Variants in PCDH15 observed in about 807,000 individuals in gnomAD.
PCDH15 encodes the protein protocadherin related 15.
PCDH15 carries 129 observed loss-of-function variants against 178.5 expected under a neutral mutation model. That is an observed-to-expected ratio of 0.72 (90% confidence interval 0.63 to 0.84). The LOEUF is 0.84. PCDH15 is among the 40% of genes least tolerant of loss of function. The pLI is 0.00. For missense variants in PCDH15, 2,230 were observed against 2,099.9 expected (o/e 1.06, Z -1.21); for synonymous variants, 800 against 732.0 (o/e 1.09, Z -1.50).
At chr10:54,376,356 TA>T (rs1480802248) in intron 4 of PCDH15, among the ~76,000 whole-genome samples, 5 of 151,000 alleles carry the variant, frequency 3.3e-5, no homozygotes, top group Admixed American at 6.6e-5. Context: ...TAATAATGTA[TA>T]TTTTATCTAT....
chr10:55,063,190 G>T (rs1056220416), intron 2 of PCDH15, among the ~76,000 whole-genome samples: 2 of 152,018 alleles, frequency 1.3e-5, no homozygotes, highest in Admixed American at 6.6e-5. Flanking sequence ...AACTGAAAAT[G>T]TACATAAGTA....
chr10:54,267,698 T>C (rs1038012260), intron 8 of PCDH15, among the ~76,000 whole-genome samples: 1 of 151,768 alleles, frequency 6.6e-6, no homozygotes, highest in Non-Finnish European at 1.5e-5. Context: ...AAAAATGAAA[T>C]ACTTAGGAAT....
intron 2 of PCDH15, among the ~76,000 whole-genome samples, chr10:54,648,215 C>T (rs2094175354): frequency 6.6e-6 from 1 of 152,080 alleles, no homozygotes; most frequent in Non-Finnish European, 1.5e-5. Context: ...GAACTATTGA[C>T]ACTGCACCCA....
chr10:55,418,492 A>C (rs1166056050), intron 2 of PCDH15, among the ~76,000 whole-genome samples: 2 of 151,778 alleles, frequency 1.3e-5, no homozygotes, highest in Non-Finnish European at 2.9e-5. Context: ...CCAGTGCCTA[A>C]GGCATATCAG....
chr10:54,878,729 A>G (rs1954200224), intron 3 of PCDH15, among the ~76,000 whole-genome samples: 1 of 152,144 alleles, frequency 6.6e-6, no homozygotes, highest in African/African-American at 2.4e-5. Flanking sequence ...TTACATAGGT[A>G]AATGTGTGCC....
intron 2 of PCDH15, among the ~76,000 whole-genome samples, chr10:54,981,743 T>C (rs1839236366): frequency 6.6e-6 from 1 of 152,104 alleles, no homozygotes; most frequent in South Asian, 2.1e-4. Flanking sequence ...TTTGTTTACA[T>C]GTTTACTTAT....
intron 3 of PCDH15, among the ~76,000 whole-genome samples, chr10:54,506,418 T>G (rs151226203): frequency 2.0e-5 from 3 of 150,668 alleles, no homozygotes; most frequent in East Asian, 2.0e-4. Context: ...TTGAGATGAG[T>G]TTTTTTTTGA....
chr10:54,816,181 C>T (rs1056750866), intron 3 of PCDH15, among the ~76,000 whole-genome samples: 2 of 151,904 alleles, frequency 1.3e-5, no homozygotes, highest in Non-Finnish European at 2.9e-5. Flanking sequence ...ATTCCAGGTA[C>T]CTATGAAAGT....
intron 1 of PCDH15, among the ~76,000 whole-genome samples, chr10:54,704,972 G>A (rs1244554682): frequency 1.3e-5 from 2 of 152,056 alleles, no homozygotes; most frequent in Non-Finnish European, 2.9e-5. Context: ...CAGCACTTAT[G>A]CAGCATGTCA....
intron 3 of PCDH15, among the ~76,000 whole-genome samples, chr10:54,457,859 A>C (rs2076928314): frequency 6.6e-6 from 1 of 152,174 alleles, no homozygotes; most frequent in African/African-American, 2.4e-5. Flanking sequence ...TTGAGTTTCT[A>C]CTCTGCATTC....
intron 2 of PCDH15, among the ~76,000 whole-genome samples, chr10:55,379,236 T>C (rs1027132470): frequency 1.2e-4 from 19 of 152,008 alleles, no homozygotes; most frequent in African/African-American, 4.3e-4. Context: ...ACCTCCCCTG[T>C]TATCCTGTCT....
chr10:55,510,676 T>C (rs1344446555), intron 2 of PCDH15, among the ~76,000 whole-genome samples: 1 of 151,812 alleles, frequency 6.6e-6, no homozygotes. Context: ...AAAGTAAAAA[T>C]AACAGAGAAT....
At chr10:54,937,041 C>A (rs1837924892) in intron 2 of PCDH15, among the ~76,000 whole-genome samples, 1 of 151,880 alleles carries the variant, frequency 6.6e-6, no homozygotes, top group South Asian at 2.1e-4. Flanking sequence ...GGAACAGTTC[C>A]AACTTAATTG....
At chr10:54,789,317 C>T (rs771766768) in intron 1 of PCDH15, among the ~76,000 whole-genome samples, 22 of 151,924 alleles carry the variant, frequency 1.4e-4, no homozygotes, top group Non-Finnish European at 2.7e-4. Flanking sequence ...TGAGAAGCTG[C>T]AGGAGAGAGA....
At chr10:55,115,419 C>G (rs1339296202) in intron 2 of PCDH15, among the ~76,000 whole-genome samples, 1 of 152,144 alleles carries the variant, frequency 6.6e-6, no homozygotes, top group Non-Finnish European at 1.5e-5. Context: ...GTTGGAACAA[C>G]AAGAATAAAA....
At chr10:54,984,160 A>G (rs1309537137) in intron 2 of PCDH15, among the ~76,000 whole-genome samples, 2 of 152,100 alleles carry the variant, frequency 1.3e-5, no homozygotes, top group Non-Finnish European at 2.9e-5. Context: ...CTTTAACCTG[A>G]AGATTTGAAA....
intron 13 of PCDH15, among the ~76,000 whole-genome samples, chr10:54,181,724 C>G (rs555977433): frequency 6.6e-6 from 1 of 152,024 alleles, no homozygotes; most frequent in Non-Finnish European, 1.5e-5. Context: ...TGACAAGTAC[C>G]ATACCAATAT....
intron 3 of PCDH15, among the ~76,000 whole-genome samples, chr10:54,813,450 C>T (rs1442781181): frequency 6.6e-6 from 1 of 152,160 alleles, no homozygotes; most frequent in African/African-American, 2.4e-5. Context: ...AGCATTCTCC[C>T]TCTCTGCAAA....
intron 2 of PCDH15, among the ~76,000 whole-genome samples, chr10:55,591,798 T>A (rs544142787): frequency 1.3e-5 from 2 of 152,086 alleles, no homozygotes; most frequent in Non-Finnish European, 2.9e-5. Context: ...AACAAAAAAA[T>A]TTTAAAAAGC....
Sources: allele counts gnomAD v4.1 joint callset (sites outside exome capture counted in the v4.1 genomes callset), GRCh38; gene constraint gnomAD v4.1.1; transcripts MANE v1.5; gene names NCBI Gene and HGNC (gene_info 2026-07-23, HGNC 2026-07-21).